N4BP2: variants seen among roughly 807,000 people sequenced by gnomAD.
N4BP2 encodes NEDD4-binding protein 2.
N4BP2 carries 91 observed loss-of-function variants against 152.8 expected under a neutral mutation model. The ratio of observed to expected loss-of-function variants is 0.60; its 90% CI spans 0.50 to 0.71. The LOEUF (loss-of-function observed/expected upper bound fraction) is 0.71, where lower values mean the gene tolerates loss of function less well. Among genes scored for constraint, N4BP2 ranks in the 30% least tolerant of loss-of-function variants. The pLI, the probability that N4BP2 is intolerant of heterozygous loss-of-function variation, is 0.00. For synonymous variants in N4BP2, 646 were observed against 705.3 expected (o/e 0.92, Z 1.33); for missense variants, 1,923 against 2,059.1 (o/e 0.93, Z 1.28).
chr4:40,074,985 C>T (rs576015623), intron 2 of N4BP2, among the ~76,000 whole-genome samples: 8 of 150,356 alleles, frequency 5.3e-5, no homozygotes, highest in Middle Eastern at 3.4e-3. Flanking sequence ...CCAGCCTGGG[C>T]GACAGAGTGA....
At chr4:40,143,676 A>G (rs1720255566) in intron 15 of N4BP2, among the ~76,000 whole-genome samples, 1 of 152,200 alleles carries the variant, frequency 6.6e-6, no homozygotes, top group Non-Finnish European at 1.5e-5. Flanking sequence ...AAGAGTATCA[A>G]ACTGCTATAG....
intron 3 of N4BP2, among the ~76,000 whole-genome samples, chr4:40,098,643 A>G (rs1308265523): frequency 6.6e-6 from 1 of 152,218 alleles, no homozygotes; most frequent in African/African-American, 2.4e-5. Context: ...ATGCATGTAG[A>G]AAACCAGTTG....
At chr4:40,188,643 CTGAGGT>C in the N4BP2 span, among the ~76,000 whole-genome samples, 2 of 148,714 alleles carry the variant, frequency 1.3e-5, no homozygotes, top group African/African-American at 5.0e-5. Flanking sequence ...ACTCAGGAGG[CTGAGGT>C]TGGGAGGATC....
chr4:40,132,885 G>A (rs945350691), intron 13 of N4BP2, among the ~76,000 whole-genome samples: 14 of 148,230 alleles, frequency 9.4e-5, no homozygotes, highest in Admixed American at 2.7e-4. Flanking sequence ...TAATTCATTG[G>A]TATTTTTACA....
At chr4:40,185,522 A>C in the N4BP2 span, among the ~76,000 whole-genome samples, 1 of 152,202 alleles carries the variant, frequency 6.6e-6, no homozygotes, top group African/African-American at 2.4e-5. Context: ...TCTATTTTGA[A>C]TAATAAATAC....
Position 40,121,679 on chromosome 4 carries a change from TCA to T in N4BP2, c.3571_3572del (p.Gln1191ValfsTer4). On this transcript the variant is annotated frameshift_variant, in exon 9 of 18. Coordinates refer to ENST00000261435, the MANE Select transcript of N4BP2 (RefSeq NM_018177.6). LOFTEE classifies it high-confidence loss of function. ...SHGIGISNAD[S>X]QSTCDAERGN... ...TGGGATTGGTATTAGTAACGCTGAC[TCA>T]CAGTCTACTTGTGATGCAGAAAGAG... The T allele has an allele frequency of 6.2e-7, 1 of 1,614,186 alleles. No individual in the cohort carries two copies.
chr4:40,076,603 C>T (rs1712763180), intron 2 of N4BP2, among the ~76,000 whole-genome samples: 1 of 152,046 alleles, frequency 6.6e-6, no homozygotes, highest in South Asian at 2.1e-4. Context: ...ATTCTCCTGC[C>T]TCAGCCTCCC....
rs367574172 is a variant in N4BP2, at chr4:40,093,547, T to C, written c.-114-3680T>C. Among the ~76,000 whole-genome samples, 13 of 152,030 alleles carry C rather than the reference T, an allele frequency of 8.6e-5. No homozygotes were observed. The East Asian group carries it at 2.5e-3, about 29-fold the overall frequency. Reference sequence around the variant, plus strand: ...TCAGCCTCCTGAGTAGCTGGGATTATAGGTGTGTGCCACCTTGCGTGGCTA... The same window carrying C: ...TCAGCCTCCTGAGTAGCTGGGATTACAGGTGTGTGCCACCTTGCGTGGCTA... On this transcript the variant is annotated intron_variant, in intron 2 of 17. Coordinates refer to ENST00000261435, the MANE Select transcript of N4BP2 (RefSeq NM_018177.6).
At chr4:40,075,545 A>G (rs551877418) in intron 2 of N4BP2, among the ~76,000 whole-genome samples, 106 of 152,076 alleles carry the variant, frequency 7.0e-4, no homozygotes, top group African/African-American at 2.6e-3. Flanking sequence ...CTACAGGTGC[A>G]TGCCACCATG....
chr4:40,172,715 T>C, the N4BP2 span, among the ~76,000 whole-genome samples: 2 of 152,234 alleles, frequency 1.3e-5, no homozygotes, highest in Non-Finnish European at 2.9e-5. Flanking sequence ...TCTGTGGCAC[T>C]TTGCTACTGT....
At chr4:40,075,040 C>T (rs1712589014) in intron 2 of N4BP2, among the ~76,000 whole-genome samples, 1 of 151,844 alleles carries the variant, frequency 6.6e-6, no homozygotes, top group African/African-American at 2.4e-5. Flanking sequence ...AAAAAATAGG[C>T]CAATCTTGCT....
the N4BP2 span, chr4:40,167,722 G>A: frequency 6.6e-6 from 1 of 152,174 alleles, no homozygotes; most frequent in Non-Finnish European, 1.5e-5. Context: ...GATGATGAGT[G>A]AACAATAAGC....
chr4:40,179,426 A>G, the N4BP2 span, among the ~76,000 whole-genome samples: 6 of 152,220 alleles, frequency 3.9e-5, no homozygotes, highest in Non-Finnish European at 5.9e-5. Flanking sequence ...ATTGAGTCAC[A>G]GCAAAACTAA....
chr4:40,173,347 G>A, the N4BP2 span, among the ~76,000 whole-genome samples: 2 of 152,152 alleles, frequency 1.3e-5, no homozygotes, highest in African/African-American at 4.8e-5. Context: ...GAATGTAGTT[G>A]GATGAAGATG....
the N4BP2 span, among the ~76,000 whole-genome samples, chr4:40,189,780 T>C: frequency 6.6e-6 from 1 of 151,838 alleles, no homozygotes; most frequent in Non-Finnish European, 1.5e-5. This position sits in a 1 kb window ranked among gnomAD's most constrained non-coding sequence, Gnocchi z 4.3. Context: ...TCCCAGCTAC[T>C]TAGGAGGCTG....
At chr4:40,132,202 A>T (rs1718967640) in intron 13 of N4BP2, among the ~76,000 whole-genome samples, 1 of 152,188 alleles carries the variant, frequency 6.6e-6, no homozygotes, top group Admixed American at 6.5e-5. Context: ...TAGAACAATT[A>T]TAACAATATA....
rs532213971 is a variant in N4BP2, at chr4:40,104,688, A to C, written c.1373+1470A>C. Among the ~76,000 whole-genome samples, 6 of 152,336 alleles carry C rather than the reference A, an allele frequency of 3.9e-5. No individual in the cohort carries two copies. The South Asian group carries it at 1.2e-3, about 32-fold the overall frequency. On this transcript the variant is annotated intron_variant, in intron 4 of 17. Transcript: ENST00000261435. The stretch of plus-strand genomic sequence containing the variant: ...ATAGGTTTCAGGGGCCTTTAGAATC[A>C]GAGGCAGCTACAGTGTGGGTAAAGA...
At chr4:40,142,392 C>A in intron 14 of N4BP2, 1 of 320,264 alleles carries the variant, frequency 3.1e-6, no homozygotes, top group Non-Finnish European at 5.9e-6. Context: ...CCTCTTCCAA[C>A]TCGGAGTTCA....
chr4:40,099,744 T>A (rs1293252135), intron 3 of N4BP2, among the ~76,000 whole-genome samples: 2 of 152,212 alleles, frequency 1.3e-5, no homozygotes, highest in Admixed American at 6.5e-5. Context: ...GGACTTTTTT[T>A]AATGTGATAA....
Sources: gnomAD v4.1 joint callset for allele counts (sites outside exome capture counted in the v4.1 genomes callset) on GRCh38, gnomAD v4.1.1 for gene constraint, Gnocchi (gnomAD v3.1) non-coding constraint, MANE v1.5 for transcripts, NCBI Gene and HGNC (gene_info 2026-07-23, HGNC 2026-07-21) for gene names.